ADGRE5: variants seen among roughly 807,000 people sequenced by gnomAD.
ADGRE5 encodes adhesion G protein-coupled receptor E5.
ADGRE5 carries 72 observed loss-of-function variants against 100.3 expected under a neutral mutation model. The observed-to-expected ratio is 0.72, with a 90% CI of 0.59 to 0.87. The LOEUF is 0.87. ADGRE5 is among the 40% of genes least tolerant of loss of function. The pLI is 0.00. For synonymous variants in ADGRE5, 439 were observed against 447.8 expected (o/e 0.98, Z 0.25); for missense variants, 959 against 1,094.7 (o/e 0.88, Z 1.75).
In ADGRE5 at chr19:14,400,444, G is replaced by A. The variant is rs1365201040; in HGVS notation, c.898-942G>A. The stretch of plus-strand genomic sequence containing the variant: ...ACTGGAAGTACAGGCGTGCACCACC[G>A]TGCCTGTTGTCTAATAACTACACTT... On this transcript the variant is annotated intron_variant, in intron 9 of 19. Coordinates refer to ENST00000242786, the MANE Select transcript of ADGRE5 (RefSeq NM_078481.4). Among the ~76,000 whole-genome samples, 6 of 151,696 alleles carry A rather than the reference G, an allele frequency of 4.0e-5. No individual in the cohort carries two copies. The South Asian group carries it at 6.3e-4, about 16-fold the overall frequency.
At chr19:14,390,791 G>T (rs1293993887) in intron 3 of ADGRE5, 133 bp from the exon 4 acceptor site, 6 of 1,033,630 alleles carry the variant, frequency 5.8e-6, no homozygotes, top group African/African-American at 3.2e-5. Flanking sequence ...AGCATAGCCT[G>T]TGCAGTGCAA....
intron 4 of ADGRE5, among the ~76,000 whole-genome samples, chr19:14,393,815 A>G (rs549462674): frequency 2.0e-5 from 3 of 152,282 alleles, no homozygotes; most frequent in African/African-American, 4.8e-5. Context: ...CCCCCTTGCA[A>G]GTGGACATCA....
intron 9 of ADGRE5, among the ~76,000 whole-genome samples, chr19:14,399,754 A>G (rs1425722399): frequency 1.3e-5 from 2 of 151,922 alleles, no homozygotes; most frequent in African/African-American, 4.8e-5. Flanking sequence ...AAAAAAAAAA[A>G]AACAGTTTTC....
Position 14,406,246 on chromosome 19 carries a change from T to G in ADGRE5, c.1822-85T>G. On this transcript the variant is annotated intron_variant, in intron 14 of 19. Coordinates refer to ENST00000242786, the MANE Select transcript of ADGRE5 (RefSeq NM_078481.4). This position sits in a 1 kb window ranked among gnomAD's most constrained non-coding sequence, Gnocchi z 6.0. ...CCTCCGGCTGTGGTCCCGCCCACTC[T>G]CGGGACCTGGCAGGCGACTGGCTCT... is the stretch of plus-strand genomic sequence containing the variant. 1 of 1,122,124 alleles carries G rather than the reference T, an allele frequency of 8.9e-7. No homozygotes were observed. Among genetic ancestry groups the G allele is most frequent in the Non-Finnish European group, 1.3e-6 (1 of 798,444 alleles). The allele number at this position is 1,122,124 out of a possible 1,614,324, so 69.5% of individuals were successfully genotyped here. A position where few individuals can be genotyped will look rare whatever the true frequency, so the allele number is the denominator to read the frequency against.
Position 14,406,982 on chromosome 19 carries a change from A to T in ADGRE5, c.2207+22A>T. 6.2e-7 allele frequency: 1 copy of T among 1,613,850 alleles called. No homozygotes were observed. Among genetic ancestry groups the T allele is most frequent in the Non-Finnish European group, 8.5e-7 (1 of 1,179,722 alleles). On this transcript the variant is annotated intron_variant, in intron 17 of 19. Coordinates refer to ENST00000242786, the MANE Select transcript of ADGRE5 (RefSeq NM_078481.4). The surrounding 1 kb of genome is among the most constrained non-coding windows in gnomAD (Gnocchi z 6.0). ...CGAGGTGAGAGGAGAGGCTGGAAGGACTTGGAGGCGGGGCCGGGGTGAGGG... is the reference window on the plus strand; with the variant it reads ...CGAGGTGAGAGGAGAGGCTGGAAGGTCTTGGAGGCGGGGCCGGGGTGAGGG...
rs956075882 is a variant in ADGRE5, at chr19:14,401,517, G to C, written c.1029G>C (p.Lys343Asn). 1.9e-6 allele frequency: 3 copies of C among 1,614,168 alleles called. No homozygotes were observed. The East Asian group carries it at 6.7e-5, about 36-fold the overall frequency. Reference protein sequence around the residue: ...NLEDIMRILAKSLPKGPFTYI... With the variant: ...NLEDIMRILANSLPKGPFTYI... ...AAGATATCATGAGGATCCTGGCCAA[G>C]AGCCTGCCTAAAGGCCCCTTCACCT... Residue 343 changes from lysine to asparagine, a missense_variant, in exon 10 of 20, where the codon AAG (lysine) becomes AAC (asparagine). By Grantham distance (94) the Lys-to-Asn change is moderately conservative (BLOSUM62 0). Transcript: ENST00000242786. The surrounding 1 kb of genome is among the most constrained non-coding windows in gnomAD (Gnocchi z 4.1).
intron 9 of ADGRE5, among the ~76,000 whole-genome samples, chr19:14,400,016 A>AT (rs201971914): frequency 3.1e-3 from 431 of 139,936 alleles, no homozygotes; most frequent in African/African-American, 9.2e-3. Context: ...TAATTTTTTC[A>AT]TTTTTTTTTT....
At chr19:14,393,589 G>A (rs74183092) in intron 4 of ADGRE5, among the ~76,000 whole-genome samples, 1 of 152,324 alleles carries the variant, frequency 6.6e-6, no homozygotes, top group East Asian at 1.9e-4. Context: ...GAGTGGTGCA[G>A]AGGTGGGAGG....
intron 4 of ADGRE5, among the ~76,000 whole-genome samples, chr19:14,393,199 TAAAAA>T (rs34782681): frequency 1.4e-5 from 2 of 145,312 alleles, no homozygotes; most frequent in Admixed American, 1.4e-4. Flanking sequence ...AGACTCCATC[TAAAAA>T]AAAAAAAAAA....
chr19:14,382,224 A>C (rs1348241677), intron 1 of ADGRE5, among the ~76,000 whole-genome samples: 4 of 152,214 alleles, frequency 2.6e-5, no homozygotes, highest in Non-Finnish European at 5.9e-5. Flanking sequence ...CATTTGGGGC[A>C]AAAACCAGAA....
chr19:14,399,609 G>A (rs928145874), intron 9 of ADGRE5, among the ~76,000 whole-genome samples: 2 of 149,468 alleles, frequency 1.3e-5, no homozygotes, highest in African/African-American at 2.5e-5. Flanking sequence ...CTGGCGTGGT[G>A]GTGCACGCCT....
At position 14,404,456 on chromosome 19, in the gene ADGRE5, G is replaced by A. The variant is rs1976138175; in HGVS notation, c.1523G>A (p.Trp508Ter). 1 of 1,612,310 alleles carries A rather than the reference G, an allele frequency of 6.2e-7. No individual in the cohort carries two copies. The highest frequency in any genetic ancestry group is 8.5e-7 in the Non-Finnish European group (1 of 1,179,736). The change falls in exon 13 of 20, where the codon TGG (tryptophan) becomes TAG (stop). Residue 508 changes from tryptophan to a stop codon, truncating the protein, a stop_gained. Transcript: ENST00000242786. LOFTEE classifies it high-confidence loss of function. ...AGTGACAGCGACAGGGGAGGGCACT[G>A]GGCCACCGAGGGCTGCCAGGTGCTG... is the stretch of plus-strand genomic sequence containing the variant. Reference protein sequence around the residue: ...WKSDSDRGGHWATEGCQVLGS... With the variant: ...WKSDSDRGGH
In ADGRE5 at chr19:14,382,395, G is replaced by T. The variant is rs191071488; in HGVS notation, c.22+850G>T. Among the ~76,000 whole-genome samples, 3 of 152,260 alleles carry T rather than the reference G, an allele frequency of 2.0e-5. No individual in the cohort carries two copies. In the East Asian group the frequency reaches 5.8e-4, roughly 29 times the overall value. On this transcript the variant is annotated intron_variant, in intron 1 of 19. Coordinates refer to ENST00000242786, the MANE Select transcript of ADGRE5 (RefSeq NM_078481.4). ...GTTGCCAAGACCTGGCTTCCCAAGG[G>T]TTCCACGCCCTGGCTGTCTGTGTCA...
At chr19:14,393,161 A>G (rs1200335604) in intron 4 of ADGRE5, among the ~76,000 whole-genome samples, 1 of 151,474 alleles carries the variant, frequency 6.6e-6, no homozygotes, top group Non-Finnish European at 1.5e-5. Flanking sequence ...ATATTGCGCC[A>G]CTACACTCCA....
chr19:14,391,230 C>T, intron 4 of ADGRE5, 151 bp downstream of exon 4: 1 of 946,752 alleles, frequency 1.1e-6, no homozygotes, highest in Non-Finnish European at 1.6e-6. Context: ...TACCCCACCA[C>T]CCCAGAGAGG....
intron 1 of ADGRE5, among the ~76,000 whole-genome samples, chr19:14,385,890 C>A (rs930442816): frequency 5.3e-5 from 8 of 151,862 alleles, no homozygotes; most frequent in African/African-American, 1.9e-4. Context: ...AAGCCTCAGT[C>A]TCCCAAGTAG....
chr19:14,382,736 T>G (rs543065609), intron 1 of ADGRE5, among the ~76,000 whole-genome samples: 27 of 150,182 alleles, frequency 1.8e-4, no homozygotes, highest in Admixed American at 3.3e-4. Flanking sequence ...TGAGACAAAG[T>G]CTCGCTCTTG....
At chr19:14,400,679 C>T (rs894787165) in intron 9 of ADGRE5, among the ~76,000 whole-genome samples, 2 of 151,932 alleles carry the variant, frequency 1.3e-5, no homozygotes, top group Non-Finnish European at 2.9e-5. Flanking sequence ...GTAGTCCTAG[C>T]TACTAGGGAG....
intron 18 of ADGRE5, 126 bp downstream of exon 18, chr19:14,407,355 T>TA: frequency 9.0e-7 from 1 of 1,116,476 alleles, no homozygotes; most frequent in Non-Finnish European, 1.3e-6. Context: ...ATGCTGTCTT[T>TA]ACAAAAAAAT....
Sources: allele counts gnomAD v4.1 joint callset (sites outside exome capture counted in the v4.1 genomes callset), GRCh38; gene constraint gnomAD v4.1.1; non-coding constraint Gnocchi (gnomAD v3.1); transcripts MANE v1.5; gene names NCBI Gene and HGNC (gene_info 2026-07-23, HGNC 2026-07-21).